Variants in MUC7 observed in about 807,000 individuals in gnomAD.
MUC7 encodes mucin-7.
In MUC7, 2 loss-of-function variants were observed where a neutral mutation model predicts 2.5. That is an observed-to-expected ratio of 0.81 (90% CI 0.33 to 2.55). The LOEUF is 2.55. MUC7 is among the 30% of genes most tolerant of loss of function. The probability of loss-of-function intolerance (pLI) is 0.11; values close to 1 mark genes in which losing one functional copy is unlikely to be tolerated. For missense variants in MUC7, 408 were observed against 455.6 expected (o/e 0.90, Z 0.95); for synonymous variants, 133 against 173.4 (o/e 0.77, Z 1.83).
chr4:70,460,528 A>C (rs1734529532), intron 1 of MUC7, among the ~76,000 whole-genome samples: 1 of 151,900 alleles, frequency 6.6e-6, no homozygotes, highest in Non-Finnish European at 1.5e-5. Context: ...TGTAAGCCCA[A>C]GTGCAGTTTG....
Position 70,446,520 on chromosome 4 carries a change from C to T in MUC7, c.-93+15833C>T, listed in dbSNP as rs982281909. 1.4e-4 allele frequency among the ~76,000 whole-genome samples: 21 copies of T among 152,316 alleles called. No homozygotes were observed. The East Asian group carries it at 3.9e-3, about 28-fold the overall frequency. On this transcript the variant is annotated intron_variant, in intron 1 of 3. Coordinates refer to the MUC7 transcript ENST00000413702. ...TTCAAATGACATTTTCCTGTATCTT[C>T]CTTCATGTGACCATCTTCTTATAAG...
intron 2 of MUC7, among the ~76,000 whole-genome samples, chr4:70,476,879 A>G (rs1735021754): frequency 6.6e-6 from 1 of 152,216 alleles, no homozygotes; most frequent in African/African-American, 2.4e-5. Context: ...CTCTAGCAAC[A>G]ACCTGCTTTT....
At chr4:70,468,752 A>G (rs143676166), upstream of MUC7, among the ~76,000 whole-genome samples, 2,384 of 152,320 alleles carry the variant, frequency 0.016, 51 homozygotes, top group African/African-American at 0.053. Context: ...CAATGAAATA[A>G]GACAGGACAC....
intron 1 of MUC7, among the ~76,000 whole-genome samples, chr4:70,440,205 T>A (rs1733967127): frequency 6.6e-6 from 1 of 152,196 alleles, no homozygotes; most frequent in South Asian, 2.1e-4. Flanking sequence ...AATATTATAT[T>A]ACATAAAAAC....
At chr4:70,443,371 C>A (rs772840059) in intron 1 of MUC7, among the ~76,000 whole-genome samples, 11 of 150,266 alleles carry the variant, frequency 7.3e-5, no homozygotes, top group Non-Finnish European at 1.3e-4. Flanking sequence ...TCCAACACAA[C>A]AAAGTGGCCA....
chr4:70,474,342 T>A (rs1022096181), intron 2 of MUC7, among the ~76,000 whole-genome samples: 1 of 151,912 alleles, frequency 6.6e-6, no homozygotes, highest in Non-Finnish European at 1.5e-5. Flanking sequence ...AGACAGTATC[T>A]CCACAACAAC....
chr4:70,477,495 C>T, intron 2 of MUC7, among the ~76,000 whole-genome samples: 1 of 152,134 alleles, frequency 6.6e-6, no homozygotes, highest in Non-Finnish European at 1.5e-5. Flanking sequence ...CTCTTCCTTC[C>T]TCAGAGAATT....
At chr4:70,441,312 T>C (rs1733999195) in intron 1 of MUC7, among the ~76,000 whole-genome samples, 1 of 152,208 alleles carries the variant, frequency 6.6e-6, no homozygotes, top group African/African-American at 2.4e-5. Flanking sequence ...AGAAGGCCTA[T>C]AATATGCACA....
rs149077197 is a variant in MUC7, at chr4:70,455,630, T to C, written c.-92-16585T>C. The stretch of plus-strand genomic sequence containing the variant: ...TAACAAGATTAAATTGGGAGAAAGA[T>C]AGTATTTATAATAAAATTTTTATCT... On this transcript the variant is annotated intron_variant, in intron 1 of 3. Transcript: ENST00000413702. 6.9e-4 allele frequency among the ~76,000 whole-genome samples: 105 copies of C among 152,288 alleles called. 2 individuals are homozygous for C. The highest frequency in any genetic ancestry group is 2.4e-3 in the African/African-American group (99 of 41,548).
At chr4:70,473,070 G>A (rs184481749) in intron 1 of MUC7, among the ~76,000 whole-genome samples, 55 of 152,224 alleles carry the variant, frequency 3.6e-4, no homozygotes, top group South Asian at 8.3e-4. Context: ...TATGTATTAA[G>A]TCTGCACTAT....
chr4:70,471,430 A>G (rs1734830677), upstream of MUC7, among the ~76,000 whole-genome samples: 1 of 152,130 alleles, frequency 6.6e-6, no homozygotes, highest in African/African-American at 2.4e-5. Flanking sequence ...ATTTTAGATT[A>G]TATGTTTGAA....
rs762132258 is a variant in MUC7 at position 70,480,863 on chromosome 4, A to G, written c.119A>G (p.Lys40Arg). ...RHRRHHHQSP[K>R]SHFELPHYPG... is the part of the protein sequence containing the mutation. ...AGAAGGCATCATCACCAATCACCCA[A>G]ATCTCACTTTGAATTACCACATTAT... is the stretch of plus-strand genomic sequence containing the variant. Residue 40 changes from lysine (K) to arginine (R), a missense_variant, in exon 3 of 3, where the codon AAA becomes AGA. Physicochemically the swap from Lys to Arg is conservative, Grantham distance 26 (BLOSUM62 2). Around this residue, in one of 3 missense-constraint regions of MUC7, gnomAD observed 225 missense variants for 240.5 expected, o/e 0.94. Transcript: ENST00000304887. 1.2e-6 allele frequency: 2 copies of G among 1,614,062 alleles called. No individual in the cohort carries two copies. The highest frequency in any genetic ancestry group is 2.2e-5 in the South Asian group (2 of 91,062).
intron 1 of MUC7, among the ~76,000 whole-genome samples, chr4:70,438,702 C>T (rs575532075): frequency 6.6e-6 from 1 of 152,242 alleles, no homozygotes; most frequent in East Asian, 1.9e-4. Context: ...AGATAATCCA[C>T]CCGCCTCCAC....
chr4:70,463,464 C>T (rs925425721), intron 1 of MUC7, among the ~76,000 whole-genome samples: 1 of 152,066 alleles, frequency 6.6e-6, no homozygotes, highest in African/African-American at 2.4e-5. Flanking sequence ...TATTTTTTCA[C>T]TTTTTTTGCA....
At chr4:70,440,423 C>T (rs1051442901) in intron 1 of MUC7, among the ~76,000 whole-genome samples, 1 of 152,136 alleles carries the variant, frequency 6.6e-6, no homozygotes, top group Admixed American at 6.5e-5. Flanking sequence ...CTGTCTTGTA[C>T]ATCTTTGAAT....
chr4:70,476,786 C>CA (rs1232145449), intron 2 of MUC7, among the ~76,000 whole-genome samples: 4 of 151,272 alleles, frequency 2.6e-5, no homozygotes, highest in African/African-American at 7.3e-5. Context: ...GACTCCGTCT[C>CA]AAAAAAAATA....
At chr4:70,444,779 C>T (rs1231136548) in intron 1 of MUC7, among the ~76,000 whole-genome samples, 3 of 152,126 alleles carry the variant, frequency 2.0e-5, no homozygotes, top group African/African-American at 4.8e-5. Flanking sequence ...GGGCCAGGTG[C>T]GGTGGCTCAC....
intron 1 of MUC7, among the ~76,000 whole-genome samples, chr4:70,442,406 G>C (rs533233281): frequency 3.3e-5 from 5 of 152,150 alleles, no homozygotes; most frequent in African/African-American, 4.8e-5. Flanking sequence ...CAGCCCACCT[G>C]CTTCTCCTCT....
At position 70,481,816 on chromosome 4, in the gene MUC7, C is replaced by G; in HGVS notation, c.1072C>G (p.Arg358Gly). ...AGCTCCTGGCCAAAATAAAATTTCT[C>G]GATTTCTTTTATATATGAAGAATCT... ...TSAPGQNKIS[R>G]FLLYMKNLLN... The change falls in exon 3 of 3, where the codon CGA (arginine) becomes GGA (glycine). Residue 358 changes from arginine to glycine, a missense_variant. Physicochemically the swap from Arg to Gly is moderately radical, Grantham distance 125. This residue lies in a region of MUC7 where 175 missense variants were observed against 187.1 expected (regional missense o/e 0.94). Transcript: ENST00000304887. 1 of 1,614,032 alleles carries G rather than the reference C, an allele frequency of 6.2e-7. No individual in the cohort carries two copies. The highest frequency in any genetic ancestry group is 8.5e-7 in the Non-Finnish European group (1 of 1,179,964).
Sources: gnomAD v4.1 joint callset for allele counts (sites outside exome capture counted in the v4.1 genomes callset) on GRCh38, gnomAD v4.1.1 for gene constraint, gnomAD v4.1.1 regional missense constraint, MANE v1.5 for transcripts, NCBI Gene and HGNC (gene_info 2026-07-23, HGNC 2026-07-21) for gene names.